The following TFDP1 variants were observed in gnomAD, a reference collection of about 807,000 sequenced individuals.
TFDP1 encodes DRTF1-polypeptide 1.
Under a neutral mutation model 48.0 loss-of-function variants are expected in TFDP1, and 6 were observed. That is an observed-to-expected ratio of 0.13 (90% CI 0.07 to 0.25). The LOEUF (loss-of-function observed/expected upper bound fraction) is 0.25, where lower values mean the gene tolerates loss of function less well. TFDP1 is among the 10% of genes least tolerant of loss of function. The pLI is 1.00. For synonymous variants in TFDP1, 201 were observed against 211.6 expected (o/e 0.95, Z 0.44); for missense variants, 335 against 543.0 (o/e 0.62, Z 3.81).
intron 2 of TFDP1, among the ~76,000 whole-genome samples, chr13:113,606,378 CTGGTAGGTT>C (rs2048572154): frequency 6.6e-6 from 1 of 152,170 alleles, no homozygotes; most frequent in Non-Finnish European, 1.5e-5. Context: ...CATCAAGGCC[CTGGTAGGTT>C]TGGTGTCCAG....
chr13:113,636,260 T>C (rs1432791074), intron 9 of TFDP1, 132 bp downstream of exon 9: 1 of 1,284,598 alleles, frequency 7.8e-7, no homozygotes, highest in Admixed American at 2.1e-5. Flanking sequence ...TGCTGTCCAT[T>C]GGGGGGTGGT....
chr13:113,610,012 T>C (rs1383759627), intron 2 of TFDP1, among the ~76,000 whole-genome samples: 2 of 152,236 alleles, frequency 1.3e-5, no homozygotes, highest in South Asian at 2.1e-4. Context: ...AGGAAGAGAA[T>C]AAAAGATTTC....
chr13:113,617,591 GCCCTTCACCTGCAGAA>G (rs1566659568), intron 3 of TFDP1, among the ~76,000 whole-genome samples: 5 of 137,834 alleles, frequency 3.6e-5, no homozygotes, highest in Non-Finnish European at 1.5e-5. Flanking sequence ...CACCTGCAGA[GCCCTTCACCTGCAGAA>G]CCCTTCACCT....
At chr13:113,630,159 A>ACG (rs2049296822) in intron 4 of TFDP1, among the ~76,000 whole-genome samples, 5 of 137,022 alleles carry the variant, frequency 3.6e-5, no homozygotes, top group Admixed American at 3.4e-4. Flanking sequence ...CCAGCAGCAC[A>ACG]CACACACACA....
chr13:113,618,917 A>G (rs543436396), intron 3 of TFDP1, among the ~76,000 whole-genome samples: 203 of 152,366 alleles, frequency 1.3e-3, no homozygotes, highest in African/African-American at 3.3e-3. Context: ...GACGCACACA[A>G]AAACAATCAT....
chr13:113,624,670 CAG>C (rs1208660536), intron 4 of TFDP1, among the ~76,000 whole-genome samples: 1 of 146,042 alleles, frequency 6.8e-6, no homozygotes. Flanking sequence ...AGGTGTCTCT[CAG>C]GGTATCTCTC....
intron 10 of TFDP1, among the ~76,000 whole-genome samples, chr13:113,637,420 C>T (rs1001939866): frequency 3.9e-5 from 6 of 152,256 alleles, no homozygotes; most frequent in South Asian, 2.1e-4. Flanking sequence ...TGGCCGCCCA[C>T]GTGGGCTGGG....
intron 2 of TFDP1, among the ~76,000 whole-genome samples, chr13:113,587,913 A>G (rs1302840513): frequency 3.3e-5 from 5 of 152,098 alleles, no homozygotes; most frequent in Admixed American, 1.3e-4. Flanking sequence ...CTAGAGTGCA[A>G]TGGCGCGACC....
chr13:113,630,155 G>GCACACACA (rs3076650), intron 4 of TFDP1, among the ~76,000 whole-genome samples: 313 of 149,216 alleles, frequency 2.1e-3, no homozygotes, highest in African/African-American at 7.2e-3. Context: ...TGCCCCAGCA[G>GCACACACA]CACACACACA....
At chr13:113,597,741 C>G (rs1227442658) in intron 2 of TFDP1, among the ~76,000 whole-genome samples, 2 of 152,200 alleles carry the variant, frequency 1.3e-5, no homozygotes, top group Admixed American at 1.3e-4. Context: ...CTCCCAGCCA[C>G]GAGGGGCTGA....
At chr13:113,585,618 G>A in intron 1 of TFDP1, 156 bp from the exon 2 acceptor site, 1 of 476,476 alleles carries the variant, frequency 2.1e-6, no homozygotes, top group Non-Finnish European at 3.8e-6. Flanking sequence ...AAAATCCTGA[G>A]TGTGGGAGTC....
Position 113,591,420 on chromosome 13 carries a change from T to C in TFDP1, c.12+5571T>C, listed in dbSNP as rs2048143990. Among the ~76,000 whole-genome samples, 3 of 152,058 alleles carry C rather than the reference T, an allele frequency of 2.0e-5. No homozygotes were observed. In the South Asian group the frequency reaches 6.2e-4, roughly 31 times the overall value. On this transcript the variant is annotated intron_variant, in intron 2 of 11. Transcript: ENST00000375370. ...TATTATAGGAACATCTGGTATAAAA[T>C]TCAAAGAATAAAAAAGGACATCTTT...
chr13:113,641,052 C>T lies in TFDP1; in HGVS notation c.*785C>T, dbSNP rs1276212562. On this transcript the variant is annotated 3_prime_UTR_variant, in exon 12 of 12. Transcript: ENST00000375370. ...ATTTCTTACAGGCAGCGTTTGGAAACCTTTTATTATATAGTTGTTTACATA... is the reference window on the plus strand; with the variant it reads ...ATTTCTTACAGGCAGCGTTTGGAAATCTTTTATTATATAGTTGTTTACATA... The T allele has an allele frequency of 6.6e-6, 1 of 152,648 alleles. No homozygotes were observed. The highest frequency in any genetic ancestry group is 2.1e-4 in the South Asian group (1 of 4,824). 9.5% of individuals were successfully genotyped at this position (152,648 alleles called of 1,614,324 possible).
chr13:113,634,826 CATGT>C (rs2049434722), intron 8 of TFDP1, among the ~76,000 whole-genome samples: 3 of 149,210 alleles, frequency 2.0e-5, no homozygotes, highest in Non-Finnish European at 4.5e-5. Flanking sequence ...TGCATGCATG[CATGT>C]GTGTGTGTGT....
At chr13:113,591,918 G>C (rs1013989557) in intron 2 of TFDP1, among the ~76,000 whole-genome samples, 2 of 152,198 alleles carry the variant, frequency 1.3e-5, no homozygotes, top group African/African-American at 2.4e-5. Flanking sequence ...ACTGCTCTCT[G>C]TATCTTTGTG....
At chr13:113,603,619 C>T (rs1032784494) in intron 2 of TFDP1, among the ~76,000 whole-genome samples, 1 of 152,226 alleles carries the variant, frequency 6.6e-6, no homozygotes, top group Non-Finnish European at 1.5e-5. Flanking sequence ...GCTGTTACTG[C>T]TGCTACTCAT....
At chr13:113,638,353 A>C (rs1429837033) in intron 11 of TFDP1, among the ~76,000 whole-genome samples, 1 of 151,252 alleles carries the variant, frequency 6.6e-6, no homozygotes, top group African/African-American at 2.4e-5. Flanking sequence ...ATCTGCGGTC[A>C]TGGTGCATGT....
In TFDP1 at chr13:113,633,844, C is replaced by T. The variant is rs377608830; in HGVS notation, c.475-46C>T. 5.9e-5 allele frequency: 92 copies of T among 1,568,964 alleles called. No homozygotes were observed. Among genetic ancestry groups the T allele is most frequent in the African/African-American group, 8.1e-5 (6 of 73,686 alleles). ...CATGGTCTACAGTTTAAGGATCCAC[C>T]GGCCTTTTTGGATCATTTGGAAACT... On this transcript the variant is annotated intron_variant, in intron 6 of 11. Coordinates refer to ENST00000375370, the MANE Select transcript of TFDP1 (RefSeq NM_007111.5). This position sits in a 1 kb window ranked among gnomAD's most constrained non-coding sequence, Gnocchi z 4.5.
intron 5 of TFDP1, chr13:113,632,000 G>GGGCT: frequency 2.1e-6 from 1 of 471,552 alleles, no homozygotes; most frequent in South Asian, 2.9e-5. Context: ...GCTCTCTGAA[G>GGGCT]GGCTGGCAGC....
Sources: gnomAD v4.1 joint callset for allele counts (sites outside exome capture counted in the v4.1 genomes callset) on GRCh38, gnomAD v4.1.1 for gene constraint, Gnocchi (gnomAD v3.1) non-coding constraint, MANE v1.5 for transcripts, NCBI Gene and HGNC (gene_info 2026-07-23, HGNC 2026-07-21) for gene names.